Variants in RGS6 observed in about 807,000 individuals in gnomAD.
RGS6 encodes the protein regulator of G protein signaling 6, also known as regulator of G-protein signaling 6.
Under a neutral mutation model 78.5 loss-of-function variants are expected in RGS6, and 30 were observed. The observed-to-expected ratio is 0.38, with a 90% CI of 0.29 to 0.52. RGS6 has a LOEUF of 0.52. Ranked by LOEUF, RGS6 falls within the 20% of genes least tolerant of loss-of-function variation. RGS6 has a pLI of 0.85. For synonymous variants in RGS6, 206 were observed against 206.0 expected (o/e 1.00, Z 0.00); for missense variants, 495 against 609.7 (o/e 0.81, Z 1.98).
At chr14:72,152,915 G>T (rs1047929051) in intron 2 of RGS6, among the ~76,000 whole-genome samples, 4 of 152,170 alleles carry the variant, frequency 2.6e-5, no homozygotes, top group African/African-American at 9.7e-5. Context: ...AAGGGAAACA[G>T]GGATGCTCTG....
chr14:72,040,529 G>A (rs1239509944), intron 2 of RGS6, among the ~76,000 whole-genome samples: 1 of 151,700 alleles, frequency 6.6e-6, no homozygotes, highest in African/African-American at 2.4e-5. Context: ...TTCTCTTGCT[G>A]TTTTTCAAGA....
chr14:72,434,346 T>G (rs1465517578), intron 3 of RGS6, among the ~76,000 whole-genome samples: 1 of 152,228 alleles, frequency 6.6e-6, no homozygotes, highest in Non-Finnish European at 1.5e-5. Flanking sequence ...CTAAAAAGTT[T>G]TCATTTTTAA....
At chr14:72,285,304 CA>C (rs2062332827) in intron 2 of RGS6, among the ~76,000 whole-genome samples, 1 of 152,100 alleles carries the variant, frequency 6.6e-6, no homozygotes, top group Non-Finnish European at 1.5e-5. Context: ...CCGTAGTTCC[CA>C]CATGTTGTGG....
intron 2 of RGS6, among the ~76,000 whole-genome samples, chr14:72,200,971 A>G (rs1284757929): frequency 2.6e-4 from 14 of 54,032 alleles, no homozygotes; most frequent in East Asian, 2.3e-3. Flanking sequence ...TAAAAAAAAA[A>G]AAAAAAAAAA....
At chr14:72,211,490 T>C (rs1486513202) in intron 2 of RGS6, among the ~76,000 whole-genome samples, 1 of 152,132 alleles carries the variant, frequency 6.6e-6, no homozygotes, top group African/African-American at 2.4e-5. Flanking sequence ...ACAGTAGTAA[T>C]AGAACAGTGG....
chr14:72,142,303 TAA>T (rs2096550716), intron 2 of RGS6, among the ~76,000 whole-genome samples: 1 of 150,778 alleles, frequency 6.6e-6, no homozygotes, highest in Non-Finnish European at 1.5e-5. Flanking sequence ...CCTGTGGTCA[TAA>T]AGTGATTAAA....
Position 71,980,403 on chromosome 14 carries a change from T to G in RGS6, c.84+15528T>G, listed in dbSNP as rs562041674. Among the ~76,000 whole-genome samples the G allele has an allele frequency of 2.6e-4, 40 of 151,698 alleles. 1 individual carries two copies. Among genetic ancestry groups the G allele is most frequent in the African/African-American group, 9.0e-4 (37 of 41,244 alleles). ...ATGATTTTGCAGCGGCTGGTACCGG[T>G]TGTTCTTTTCCATGTTTAGCACTTC... On this transcript the variant is annotated intron_variant, in intron 2 of 17. Transcript: ENST00000553525.
intron 2 of RGS6, among the ~76,000 whole-genome samples, chr14:72,054,843 C>T (rs1305364607): frequency 2.6e-5 from 4 of 152,118 alleles, no homozygotes; most frequent in Non-Finnish European, 5.9e-5. Context: ...TTTTGCCTGG[C>T]TTTGAACTTT....
intron 12 of RGS6, among the ~76,000 whole-genome samples, chr14:72,487,932 T>C (rs1337671376): frequency 6.6e-6 from 1 of 152,210 alleles, no homozygotes; most frequent in Non-Finnish European, 1.5e-5. Flanking sequence ...GTCTTTAATA[T>C]ACCAGCATCT....
chr14:72,042,985 T>A (rs902332069), intron 2 of RGS6, among the ~76,000 whole-genome samples: 2 of 152,314 alleles, frequency 1.3e-5, no homozygotes, highest in South Asian at 4.1e-4. Flanking sequence ...TACTATCTTT[T>A]AAAAATTTTA....
chr14:72,456,853 G>A (rs1005585428), intron 4 of RGS6, among the ~76,000 whole-genome samples: 1 of 151,894 alleles, frequency 6.6e-6, no homozygotes, highest in Admixed American at 6.6e-5. Flanking sequence ...TCAGCTGGGA[G>A]GACTGCTTGA....
At chr14:72,409,807 T>C (rs1460569365) in intron 3 of RGS6, among the ~76,000 whole-genome samples, 2 of 152,128 alleles carry the variant, frequency 1.3e-5, no homozygotes, top group Non-Finnish European at 2.9e-5. Context: ...AGTGAGAACA[T>C]GCAGCGTTTG....
intron 1 of RGS6, among the ~76,000 whole-genome samples, chr14:71,959,060 C>G (rs187033150): frequency 6.6e-6 from 1 of 152,104 alleles, no homozygotes; most frequent in East Asian, 1.9e-4. Flanking sequence ...GTGCTATTGC[C>G]GTACTTTAAG....
At chr14:71,955,912 G>A (rs556412270) in intron 1 of RGS6, among the ~76,000 whole-genome samples, 1 of 152,236 alleles carries the variant, frequency 6.6e-6, no homozygotes, top group South Asian at 2.1e-4. Context: ...ATAAGAAAAA[G>A]GAAGATGGAG....
the RGS6 span, among the ~76,000 whole-genome samples, chr14:72,620,500 C>G: frequency 6.6e-6 from 1 of 152,206 alleles, no homozygotes; most frequent in African/African-American, 2.4e-5. Context: ...CGCCATCCCT[C>G]GGCTTCCAGA....
chr14:72,188,704 C>T (rs754736355), intron 2 of RGS6, among the ~76,000 whole-genome samples: 2 of 152,208 alleles, frequency 1.3e-5, no homozygotes, highest in African/African-American at 4.8e-5. Context: ...GCGACACAGC[C>T]TCCATTTCTG....
intron 2 of RGS6, among the ~76,000 whole-genome samples, chr14:71,976,430 G>T (rs1278587614): frequency 2.6e-5 from 3 of 115,382 alleles, no homozygotes; most frequent in African/African-American, 1.1e-4. Flanking sequence ...CCCCACAACA[G>T]TCCCCAGAGT....
chr14:71,876,473 CTTTTTTTTTTTTTTTTTTT>C, the RGS6 span, among the ~76,000 whole-genome samples: 41 of 72,492 alleles, frequency 5.7e-4, no homozygotes, highest in African/African-American at 2.0e-3. Flanking sequence ...GCAACCGCTG[CTTTTTTTTTTTTTTTTTTT>C]TTTTTTTTTT....
chr14:71,906,490 G>C, the RGS6 span, among the ~76,000 whole-genome samples: 1 of 152,128 alleles, frequency 6.6e-6, no homozygotes, highest in Non-Finnish European at 1.5e-5. Flanking sequence ...AGGAGGGCCC[G>C]TTGCTGGTCT....
Sources: allele counts gnomAD v4.1 joint callset (sites outside exome capture counted in the v4.1 genomes callset), GRCh38; gene constraint gnomAD v4.1.1; transcripts MANE v1.5; gene names NCBI Gene and HGNC (gene_info 2026-07-23, HGNC 2026-07-21).